Variants in SLC9A9 observed in about 807,000 individuals in gnomAD.
The protein encoded by SLC9A9 is sodium/hydrogen exchanger 9.
In SLC9A9, 62 loss-of-function variants were observed where a neutral mutation model predicts 77.8. The observed-to-expected ratio is 0.80, with a 90% CI of 0.65 to 0.98. SLC9A9 has a LOEUF of 0.98. Ranked by LOEUF, SLC9A9 falls within the 50% of genes least tolerant of loss-of-function variation. The pLI, the probability that SLC9A9 is intolerant of heterozygous loss-of-function variation, is 0.00. For synonymous variants in SLC9A9, 320 were observed against 283.5 expected (o/e 1.13, Z -1.29); for missense variants, 775 against 774.9 (o/e 1.00, Z 0.00).
chr3:143,424,542 G>A (rs1333009320), intron 12 of SLC9A9, among the ~76,000 whole-genome samples: 1 of 152,064 alleles, frequency 6.6e-6, no homozygotes, highest in East Asian at 1.9e-4. Context: ...CTCCCCAAGT[G>A]CTGGGTCTCA....
intron 4 of SLC9A9, among the ~76,000 whole-genome samples, chr3:143,764,214 A>C (rs950085674): frequency 6.6e-6 from 1 of 152,188 alleles, no homozygotes; most frequent in Non-Finnish European, 1.5e-5. Context: ...TATAACATAC[A>C]ATGTGAGCTC....
intron 5 of SLC9A9, among the ~76,000 whole-genome samples, chr3:143,675,449 A>G (rs1239056522): frequency 6.6e-6 from 1 of 152,134 alleles, no homozygotes; most frequent in Non-Finnish European, 1.5e-5. Context: ...TCCACAGTAA[A>G]TTTTCTAAAT....
At chr3:143,358,407 G>A (rs1483701524) in intron 14 of SLC9A9, among the ~76,000 whole-genome samples, 5 of 152,178 alleles carry the variant, frequency 3.3e-5, no homozygotes, top group Admixed American at 3.3e-4. Context: ...CTTATAAAAT[G>A]TTGGCAACCA....
chr3:143,562,603 T>C (rs1438832430), intron 8 of SLC9A9, among the ~76,000 whole-genome samples: 1 of 151,728 alleles, frequency 6.6e-6, no homozygotes, highest in Non-Finnish European at 1.5e-5. Context: ...TTATCTTGCA[T>C]GTTTTGTTAG....
At chr3:143,654,282 A>G (rs1372082748) in intron 5 of SLC9A9, among the ~76,000 whole-genome samples, 2 of 152,232 alleles carry the variant, frequency 1.3e-5, no homozygotes, top group African/African-American at 2.4e-5. Context: ...GTGTTTTTAA[A>G]GAAGTTACTG....
intron 12 of SLC9A9, among the ~76,000 whole-genome samples, chr3:143,433,601 G>GGGGGT: frequency 6.6e-6 from 1 of 152,278 alleles, no homozygotes; most frequent in East Asian, 1.9e-4. Flanking sequence ...TATAAAAGGT[G>GGGGGT]GGGGTGTTCT....
intron 12 of SLC9A9, among the ~76,000 whole-genome samples, chr3:143,392,686 G>A (rs1044972346): frequency 1.3e-5 from 2 of 152,190 alleles, no homozygotes; most frequent in African/African-American, 4.8e-5. Context: ...ACCCATCAGT[G>A]TGCTGTATTC....
chr3:143,577,032 C>T (rs1395139883), intron 7 of SLC9A9, among the ~76,000 whole-genome samples: 2 of 152,154 alleles, frequency 1.3e-5, no homozygotes, highest in Non-Finnish European at 1.5e-5. Flanking sequence ...GATGCTTCCC[C>T]CGCAGTTCAT....
rs2038517731 is a variant in SLC9A9 at position 143,636,196 on chromosome 3, T to C, written c.755+16059A>G. Among the ~76,000 whole-genome samples, 6 of 152,308 alleles carry C rather than the reference T, an allele frequency of 3.9e-5. No homozygotes were observed. In the South Asian group the frequency reaches 1.2e-3, roughly 32 times the overall value. On this transcript the variant is annotated intron_variant, in intron 6 of 15. Transcript: ENST00000316549. ...GGTCCTTTACTAAAGTTAAAATTTT[T>C]CTTCTCAGATATCTTGTACATTTAT...
intron 12 of SLC9A9, among the ~76,000 whole-genome samples, chr3:143,445,836 TA>T (rs1047333257): frequency 6.6e-6 from 1 of 152,188 alleles, no homozygotes; most frequent in Non-Finnish European, 1.5e-5. Flanking sequence ...TCAATTATGT[TA>T]AAAGTTTTTG....
At chr3:143,365,448 G>T (rs2032871104) in intron 13 of SLC9A9, among the ~76,000 whole-genome samples, 1 of 152,090 alleles carries the variant, frequency 6.6e-6, no homozygotes, top group Admixed American at 6.5e-5. Flanking sequence ...GGAAAATGTA[G>T]AACTTCTCAG....
In SLC9A9 at chr3:143,542,950, C is replaced by T. The variant is rs538304482; in HGVS notation, c.1089+9412G>A. Among the ~76,000 whole-genome samples the T allele has an allele frequency of 1.1e-4, 17 of 152,274 alleles. No homozygotes were observed. In the East Asian group the frequency reaches 3.1e-3, roughly 28 times the overall value. ...GATAAATTTAGATGTTACATATGTA[C>T]AGAGTTTACTAAAAAGAAGTGTGGT... On this transcript the variant is annotated intron_variant, in intron 9 of 15. Transcript: ENST00000316549.
At chr3:143,321,700 TCTGAATTATACTTC>T (rs1289306176) in intron 14 of SLC9A9, among the ~76,000 whole-genome samples, 6 of 152,252 alleles carry the variant, frequency 3.9e-5, no homozygotes, top group Non-Finnish European at 7.3e-5. Context: ...CATCCATTGC[TCTGAATTATACTTC>T]CTTTTCTAAC....
chr3:143,811,827 A>C (rs538046080), intron 2 of SLC9A9: 4 of 381,130 alleles, frequency 1.0e-5, no homozygotes, highest in Non-Finnish European at 2.0e-5. Context: ...GCATCACCAC[A>C]CTCCAGGCTG....
intron 9 of SLC9A9, among the ~76,000 whole-genome samples, chr3:143,529,939 G>T (rs187915690): frequency 2.6e-5 from 4 of 152,128 alleles, no homozygotes; most frequent in African/African-American, 7.2e-5. Context: ...ACTCTAGGAC[G>T]GAAGAATGAG....
chr3:143,826,274 C>A lies in SLC9A9; in HGVS notation c.378+5745G>T, dbSNP rs1005064155. On this transcript the variant is annotated intron_variant, in intron 2 of 15. Transcript: ENST00000316549. Reference sequence around the variant, plus strand: ...ACTCTGTCTTGAAAAAAAAAAAAAACCACCATATTTGTGATTTGTGATTTT... The same window carrying A: ...ACTCTGTCTTGAAAAAAAAAAAAAAACACCATATTTGTGATTTGTGATTTT... Among the ~76,000 whole-genome samples the A allele has an allele frequency of 4.1e-4, 59 of 145,660 alleles. 1 individual carries two copies. The highest frequency in any genetic ancestry group is 1.1e-3 in the South Asian group (5 of 4,714).
chr3:143,672,487 A>T (rs146226564), intron 5 of SLC9A9, among the ~76,000 whole-genome samples: 51 of 152,360 alleles, frequency 3.3e-4, no homozygotes, highest in Non-Finnish European at 6.0e-4. Flanking sequence ...TGATTATGCC[A>T]ATGTGAGTAA....
intron 4 of SLC9A9, among the ~76,000 whole-genome samples, chr3:143,767,376 A>ATGTGTGTGTGTGTGTGTGTGTGTGTG (rs142594079): frequency 7.1e-6 from 1 of 141,274 alleles, no homozygotes; most frequent in African/African-American, 2.6e-5. Context: ...GTGTCTGTGT[A>ATGTGTGTGTGTGTGTGTGTGTGTGTG]TGTGTGTGTG....
At chr3:143,760,885 A>T (rs1456197002) in intron 4 of SLC9A9, among the ~76,000 whole-genome samples, 4 of 152,132 alleles carry the variant, frequency 2.6e-5, no homozygotes, top group African/African-American at 9.7e-5. Context: ...CATTGCCAAG[A>T]CAATCCTAAG....
Sources: gnomAD v4.1 joint callset for allele counts (sites outside exome capture counted in the v4.1 genomes callset) on GRCh38, gnomAD v4.1.1 for gene constraint, MANE v1.5 for transcripts, NCBI Gene and HGNC (gene_info 2026-07-23, HGNC 2026-07-21) for gene names.